The following CPA5 variants were observed in gnomAD, a reference collection of about 807,000 sequenced individuals.
CPA5 encodes testicular tissue protein Li 32.
A neutral mutation model predicts 52.2 loss-of-function variants in CPA5; 38 were observed. The observed-to-expected ratio is 0.73, with a 90% CI of 0.56 to 0.95. The LOEUF (loss-of-function observed/expected upper bound fraction) is 0.95, where lower values mean the gene tolerates loss of function less well. Ranked by LOEUF, CPA5 falls within the 40% of genes least tolerant of loss-of-function variation. CPA5 has a pLI of 0.00. For synonymous variants in CPA5, 198 were observed against 213.7 expected (o/e 0.93, Z 0.64); for missense variants, 519 against 566.7 (o/e 0.92, Z 0.86).
At chr7:130,348,847 C>T (rs1562947757) in intron 4 of CPA5, among the ~76,000 whole-genome samples, 2 of 152,156 alleles carry the variant, frequency 1.3e-5, no homozygotes, top group African/African-American at 4.8e-5. Flanking sequence ...CAACCAAAAA[C>T]ATTAAACGGA....
chr7:130,361,871 C>T (rs1454132062), intron 7 of CPA5, among the ~76,000 whole-genome samples: 4 of 152,212 alleles, frequency 2.6e-5, no homozygotes, highest in Non-Finnish European at 4.4e-5. Flanking sequence ...GGGCAGGTGC[C>T]TGCTGCTGCT....
At chr7:130,371,674 C>T (rs1345127892), downstream of CPA5, among the ~76,000 whole-genome samples, 1 of 152,076 alleles carries the variant, frequency 6.6e-6, no homozygotes, top group Admixed American at 6.5e-5. Flanking sequence ...TCTCCTGCCT[C>T]AGCCTCCCGA....
intron 5 of CPA5, 72 bp from the exon 6 acceptor site, chr7:130,359,517 G>A (rs1010388944): frequency 2.8e-6 from 3 of 1,075,880 alleles, no homozygotes; most frequent in African/African-American, 1.6e-5. Context: ...AGCCAGTGGA[G>A]GCAGGGCTCA....
intron 9 of CPA5, 135 bp downstream of exon 9, chr7:130,363,129 G>A: frequency 4.8e-6 from 3 of 626,122 alleles, no homozygotes; most frequent in East Asian, 5.5e-5. Context: ...GGCTGCTCAG[G>A]TACTGCACCT....
chr7:130,348,019 C>T (rs1366489879), intron 4 of CPA5, among the ~76,000 whole-genome samples, 172 bp downstream of exon 4: 2 of 152,220 alleles, frequency 1.3e-5, no homozygotes, highest in Non-Finnish European at 1.5e-5. Context: ...TCAGGAACAC[C>T]TGCCCAGAAA....
chr7:130,372,929 G>A (rs782598142), downstream of CPA5, among the ~76,000 whole-genome samples: 91 of 152,060 alleles, frequency 6.0e-4, 1 homozygote, highest in Non-Finnish European at 1.9e-4. Flanking sequence ...AGCCCAACCC[G>A]CTCATTTTTG....
chr7:130,353,015 G>GACCA (rs1409949656), intron 5 of CPA5, among the ~76,000 whole-genome samples: 22 of 152,118 alleles, frequency 1.4e-4, no homozygotes, highest in Admixed American at 1.3e-3. Context: ...CCCATACTCT[G>GACCA]ACCATCTAGA....
chr7:130,362,952 G>A lies in CPA5; in HGVS notation c.705G>A (p.Glu235=). 1 of 1,613,932 alleles carries A rather than the reference G, an allele frequency of 6.2e-7. No homozygotes were observed. Among genetic ancestry groups the A allele is most frequent in the African/African-American group, 1.3e-5 (1 of 75,036 alleles). ...TGAATGCCATGGACATCTTCATAGAGCTCGTCACAAACCCTGATGGGTTTG... is the reference window on the plus strand; with the variant it reads ...TGAATGCCATGGACATCTTCATAGAACTCGTCACAAACCCTGATGGGTTTG... The part of the protein sequence containing the change: ...DILNAMDIFI[E]LVTNPDGFAF... The change falls in exon 9 of 13, where the codon GAG becomes GAA. Residue 235 remains glutamate, a synonymous_variant. Transcript: ENST00000474905.
In CPA5 at chr7:130,367,942, A is replaced by G; in HGVS notation, c.1075A>G (p.Lys359Glu). 1.2e-6 allele frequency: 2 copies of G among 1,614,194 alleles called. No homozygotes were observed. The highest frequency in any genetic ancestry group is 1.7e-6 in the Non-Finnish European group (2 of 1,180,022). The change falls in exon 12 of 13, where the codon AAG (lysine) becomes GAG (glutamate). Residue 359 changes from lysine (K) to glutamate (E), a missense_variant. Lys to Glu is a moderately conservative substitution (Grantham distance 56). Coordinates refer to ENST00000474905, the MANE Select transcript of CPA5 (RefSeq NM_080385.5). ...CAAGGATGCGGTGGAGGCCTTGTAT[A>G]AGGTCCATGGGATCGAGTACATTTT... Reference protein sequence around the residue: ...LAKDAVEALYKVHGIEYIFGS... With the variant: ...LAKDAVEALYEVHGIEYIFGS...
At chr7:130,364,748 A>T (rs1298428061) in intron 10 of CPA5, among the ~76,000 whole-genome samples, 1 of 152,124 alleles carries the variant, frequency 6.6e-6, no homozygotes, top group Non-Finnish European at 1.5e-5. Context: ...AGTGAGGGGG[A>T]GGGGGCAGCT....
At chr7:130,370,448 A>G (rs1442683964), downstream of CPA5, among the ~76,000 whole-genome samples, 2 of 152,228 alleles carry the variant, frequency 1.3e-5, no homozygotes, top group Non-Finnish European at 2.9e-5. Flanking sequence ...CTAGAGGTAA[A>G]TAAAGCCAGT....
intron 6 of CPA5, 57 bp from the exon 7 acceptor site, chr7:130,361,086 C>T (rs1007960102): frequency 9.5e-7 from 1 of 1,055,046 alleles, no homozygotes; most frequent in South Asian, 1.3e-5. Flanking sequence ...AGAGAGGCCC[C>T]AGTGTTCATC....
intron 5 of CPA5, among the ~76,000 whole-genome samples, chr7:130,354,743 G>A (rs1245909402): frequency 6.6e-6 from 1 of 151,718 alleles, no homozygotes; most frequent in African/African-American, 2.4e-5. Flanking sequence ...TTTTAAGATG[G>A]GGTTTTGTTA....
At chr7:130,351,010 G>T (rs958969937) in intron 5 of CPA5, among the ~76,000 whole-genome samples, 10 of 152,178 alleles carry the variant, frequency 6.6e-5, no homozygotes, top group African/African-American at 2.4e-4. Context: ...TAAGGGCTCC[G>T]ACTGTGGGAA....
At chr7:130,359,967 G>T (rs555496705) in intron 6 of CPA5, among the ~76,000 whole-genome samples, 1 of 152,276 alleles carries the variant, frequency 6.6e-6, no homozygotes, top group Admixed American at 6.5e-5. Flanking sequence ...GAACACTAAC[G>T]CAGGGACCCA....
intron 5 of CPA5, among the ~76,000 whole-genome samples, chr7:130,356,240 T>C (rs1359822610): frequency 1.3e-5 from 2 of 152,104 alleles, no homozygotes; most frequent in African/African-American, 4.8e-5. Flanking sequence ...TGCTACCTCC[T>C]CCCCTGCCCA....
chr7:130,349,883 C>T, intron 4 of CPA5, 92 bp from the exon 5 acceptor site: 2 of 1,437,412 alleles, frequency 1.4e-6, no homozygotes, highest in South Asian at 2.7e-5. Flanking sequence ...TCTCTACTGG[C>T]TGAGAGATTC....
At chr7:130,350,738 C>T (rs1554403752) in intron 5 of CPA5, among the ~76,000 whole-genome samples, 1 of 152,246 alleles carries the variant, frequency 6.6e-6, no homozygotes, top group Non-Finnish European at 1.5e-5. Context: ...CTGGACACCC[C>T]AGTCTCCCTG....
rs782418427 is a variant in CPA5 at position 130,346,478 on chromosome 7, G to T, written c.-8G>T. 3.3e-5 allele frequency: 53 copies of T among 1,603,528 alleles called. No individual in the cohort carries two copies. Among genetic ancestry groups the T allele is most frequent in the Non-Finnish European group, 4.4e-5 (51 of 1,171,856 alleles). Reference sequence around the variant, plus strand: ...GAAAGCCCCTGAAGCTCACCAGGAGGAAGAAGCATGCAGGGCACCCCTGGA... The same window carrying T: ...GAAAGCCCCTGAAGCTCACCAGGAGTAAGAAGCATGCAGGGCACCCCTGGA... On this transcript the variant is annotated 5_prime_UTR_variant, in exon 3 of 13. Coordinates refer to ENST00000474905, the MANE Select transcript of CPA5 (RefSeq NM_080385.5).
Sources: allele counts gnomAD v4.1 joint callset (sites outside exome capture counted in the v4.1 genomes callset), GRCh38; gene constraint gnomAD v4.1.1; transcripts MANE v1.5; gene names NCBI Gene and HGNC (gene_info 2026-07-23, HGNC 2026-07-21).